PTPRO: variants seen among roughly 807,000 people sequenced by gnomAD.
The protein encoded by PTPRO is receptor-type tyrosine-protein phosphatase O.
PTPRO carries 62 observed loss-of-function variants against 145.2 expected under a neutral mutation model. That is an observed-to-expected ratio of 0.43 (90% confidence interval 0.35 to 0.53). The LOEUF (loss-of-function observed/expected upper bound fraction) is 0.53. Ranked by LOEUF, PTPRO falls within the 20% of genes least tolerant of loss-of-function variation. The probability of loss-of-function intolerance (pLI) is 0.01; values close to 1 mark genes in which losing one functional copy is unlikely to be tolerated. For missense variants in PTPRO, 1,345 were observed against 1,482.7 expected, an observed-to-expected ratio of 0.91 and a Z score of 1.53; for synonymous variants, 565 against 514.7, an observed-to-expected ratio of 1.10 and a Z score of -1.32.
chr12:15,344,380 G>A (rs1233303319), intron 1 of PTPRO, among the ~76,000 whole-genome samples: 1 of 152,176 alleles, frequency 6.6e-6, no homozygotes, highest in Non-Finnish European at 1.5e-5. Context: ...ATTCTGGATA[G>A]CCAAATTCTA....
chr12:15,331,962 C>CTTTTTTTTTTTTTTT (rs200334215), intron 1 of PTPRO, among the ~76,000 whole-genome samples: 1 of 118,242 alleles, frequency 8.5e-6, no homozygotes, highest in Non-Finnish European at 1.8e-5. Context: ...CTCTTTCTTT[C>CTTTTTTTTTTTTTTT]TTTTTTTTTT....
rs1314680216 is a variant in PTPRO at position 15,484,097 on chromosome 12, T to C, written c.199T>C (p.Tyr67His). ...VVKITGESKNYFFEFEEFNST... is the reference protein window; with the variant it reads ...VVKITGESKNHFFEFEEFNST... ...GAAGATAACTGGTGAATCCAAAAAT[T>C]ATTTCTTCGAATTTGAGGAATTCAA... Residue 67 changes from tyrosine to histidine, a missense_variant, in exon 2 of 27, where the codon TAT (tyrosine) becomes CAT (histidine). This residue lies in a region of PTPRO where 1,130 missense variants were observed against 1,214.7 expected (regional missense o/e 0.93). Coordinates refer to ENST00000281171, the MANE Select transcript of PTPRO (RefSeq NM_030667.3). The C allele has an allele frequency of 6.2e-7, 1 of 1,613,824 alleles. No homozygotes were observed. The highest frequency in any genetic ancestry group is 1.7e-5 in the Admixed American group (1 of 59,974).
At chr12:15,587,879 C>G (rs1382433916) in intron 24 of PTPRO, among the ~76,000 whole-genome samples, 1 of 152,190 alleles carries the variant, frequency 6.6e-6, no homozygotes, top group Non-Finnish European at 1.5e-5. Flanking sequence ...AATCTACAAT[C>G]CCAGACCTAC....
intron 1 of PTPRO, among the ~76,000 whole-genome samples, chr12:15,474,845 C>T (rs183846125): frequency 1.3e-5 from 2 of 152,246 alleles, no homozygotes; most frequent in Admixed American, 6.5e-5. Context: ...CCAGGAAAAG[C>T]TAAGGTAAAG....
At position 15,513,282 on chromosome 12, in the gene PTPRO, G is replaced by GGGAA. The variant is rs57220849; in HGVS notation, c.1465-2197_1465-2194dup. On this transcript the variant is annotated intron_variant, in intron 7 of 26. Transcript: ENST00000281171. ...GGAGGGGGAAGGAAGGAGGGAGGGA[G>GGGAA]GGAAGGAAGGAAGGAAGGAAGGGAA... Among the ~76,000 whole-genome samples, 51 of 133,336 alleles carry GGGAA rather than the reference G, an allele frequency of 3.8e-4. 1 individual carries two copies. Among genetic ancestry groups the GGGAA allele is most frequent in the African/African-American group, 1.3e-3 (46 of 35,120 alleles). 87.5% of individuals were successfully genotyped at this position (133,336 alleles called of 152,430 possible).
intron 1 of PTPRO, among the ~76,000 whole-genome samples, chr12:15,328,595 A>G (rs1316779754): frequency 6.6e-6 from 1 of 152,218 alleles, no homozygotes; most frequent in Non-Finnish European, 1.5e-5. Context: ...TAGGACTTCA[A>G]GCTTGAGAGC....
chr12:15,427,788 C>A (rs1358397431), intron 1 of PTPRO, among the ~76,000 whole-genome samples: 4 of 150,030 alleles, frequency 2.7e-5, no homozygotes, highest in Non-Finnish European at 5.9e-5. Context: ...TAGGTTATTT[C>A]TTTTTCATAG....
At chr12:15,415,460 C>T (rs899361082) in intron 1 of PTPRO, among the ~76,000 whole-genome samples, 2 of 150,866 alleles carry the variant, frequency 1.3e-5, no homozygotes, top group African/African-American at 4.9e-5. Context: ...TCTTGGCTCA[C>T]TGCAAGCTCC....
chr12:15,343,993 C>G (rs1867107241), intron 1 of PTPRO, among the ~76,000 whole-genome samples: 1 of 152,194 alleles, frequency 6.6e-6, no homozygotes, highest in Non-Finnish European at 1.5e-5. Flanking sequence ...CATAAATAAA[C>G]AATCTTTTTA....
At chr12:15,455,967 G>A (rs187394315) in intron 1 of PTPRO, among the ~76,000 whole-genome samples, 2 of 152,144 alleles carry the variant, frequency 1.3e-5, no homozygotes, top group East Asian at 1.9e-4. Context: ...TAACAAACTT[G>A]CACGTTCTGC....
chr12:15,452,752 T>G (rs964314461), intron 1 of PTPRO, among the ~76,000 whole-genome samples: 5 of 152,128 alleles, frequency 3.3e-5, no homozygotes, highest in African/African-American at 1.2e-4. Context: ...AAAAAAAATC[T>G]TAAAAGTCTA....
At chr12:15,375,760 C>CAAAAA (rs529757376) in intron 1 of PTPRO, among the ~76,000 whole-genome samples, 1 of 84,660 alleles carries the variant, frequency 1.2e-5, no homozygotes. Context: ...TGTCCCCCAC[C>CAAAAA]AAAAAAAAAA....
chr12:15,469,768 CAAAAAA>C (rs3085503), intron 1 of PTPRO, among the ~76,000 whole-genome samples: 46 of 110,408 alleles, frequency 4.2e-4, no homozygotes, highest in African/African-American at 1.3e-3. Context: ...AGTGTCCTGA[CAAAAAA>C]AAAAAAAAAA....
chr12:15,551,046 T>C (rs1332746448), intron 14 of PTPRO, among the ~76,000 whole-genome samples: 2 of 152,202 alleles, frequency 1.3e-5, no homozygotes, highest in Non-Finnish European at 2.9e-5. Context: ...CTGCTTCTAG[T>C]AATGTGTTAA....
At chr12:15,333,249 T>C (rs1052704849) in intron 1 of PTPRO, among the ~76,000 whole-genome samples, 1 of 152,214 alleles carries the variant, frequency 6.6e-6, no homozygotes, top group Non-Finnish European at 1.5e-5. Context: ...GAACAGCCTA[T>C]CTAAAATCAT....
At chr12:15,386,604 G>A (rs1422566400) in intron 1 of PTPRO, among the ~76,000 whole-genome samples, 4 of 152,130 alleles carry the variant, frequency 2.6e-5, no homozygotes, top group African/African-American at 9.7e-5. Flanking sequence ...ATTTCATATG[G>A]TTAAGCCTAT....
chr12:15,548,983 T>C, intron 13 of PTPRO, 111 bp from the exon 14 acceptor site: 2 of 1,201,494 alleles, frequency 1.7e-6, no homozygotes, highest in Non-Finnish European at 2.4e-6. Context: ...TTCTTTGTCA[T>C]CTTATACATT....
chr12:15,385,282 G>A (rs1447041901), intron 1 of PTPRO, among the ~76,000 whole-genome samples: 3 of 152,154 alleles, frequency 2.0e-5, no homozygotes, highest in African/African-American at 7.2e-5. Context: ...AGGGAGCAGA[G>A]GAAAAGGCAA....
intron 1 of PTPRO, among the ~76,000 whole-genome samples, chr12:15,424,426 G>T (rs1213810124): frequency 2.0e-5 from 3 of 152,088 alleles, no homozygotes; most frequent in East Asian, 1.9e-4. Flanking sequence ...AATAAAACAG[G>T]AAGAATTTTT....
Sources: gnomAD v4.1 joint callset for allele counts (sites outside exome capture counted in the v4.1 genomes callset) on GRCh38, gnomAD v4.1.1 for gene constraint, gnomAD v4.1.1 regional missense constraint, MANE v1.5 for transcripts, NCBI Gene and HGNC (gene_info 2026-07-23, HGNC 2026-07-21) for gene names.